The following ANKFY1 variants were observed in gnomAD, a reference collection of about 807,000 sequenced individuals.
ANKFY1 encodes the protein ankyrin repeat and FYVE domain-containing protein 1.
In ANKFY1, 47 loss-of-function variants were observed where a neutral mutation model predicts 128.3. The ratio of observed to expected loss-of-function variants is 0.37; its 90% CI spans 0.29 to 0.47. The LOEUF (loss-of-function observed/expected upper bound fraction) is 0.47, where lower values mean the gene tolerates loss of function less well. Ranked by LOEUF, ANKFY1 falls within the 20% of genes least tolerant of loss-of-function variation. The pLI is 1.00. For missense variants in ANKFY1, 1,222 were observed against 1,510.6 expected (o/e 0.81, Z 3.17); for synonymous variants, 553 against 601.6 (o/e 0.92, Z 1.18).
At chr17:4,244,401 C>T (rs1967421708) in intron 1 of ANKFY1, among the ~76,000 whole-genome samples, 1 of 152,188 alleles carries the variant, frequency 6.6e-6, no homozygotes, top group African/African-American at 2.4e-5. Flanking sequence ...CGTCATGAAA[C>T]TTCTCCTTCA....
intron 1 of ANKFY1, among the ~76,000 whole-genome samples, chr17:4,247,943 G>C (rs959824728): frequency 3.9e-5 from 6 of 152,178 alleles, no homozygotes; most frequent in Non-Finnish European, 4.4e-5. Flanking sequence ...ACAATTCTTA[G>C]AAAGGCAACC....
rs1281080099 is a variant in ANKFY1 at position 4,189,432 on chromosome 17, C to A, written c.1420G>T (p.Ala474Ser). ...RAAGAGNEAAALFLATNGAHV... is the reference protein window; with the variant it reads ...RAAGAGNEAASLFLATNGAHV... The stretch of plus-strand genomic sequence containing the variant: ...GCACCGTTGGTTGCCAGGAAAAGAG[C>A]TGCTGCCTCGTTTCCTGCTCCAGCT... The change falls in exon 11 of 25, where the codon GCT (alanine) becomes TCT (serine). Residue 474 changes from alanine to serine, a missense_variant. By Grantham distance (99) the Ala-to-Ser change is moderately conservative. Transcript: ENST00000341657. 2 of 1,594,298 alleles carry A rather than the reference C, an allele frequency of 1.3e-6. No individual in the cohort carries two copies. The highest frequency in any genetic ancestry group is 1.1e-5 in the South Asian group (1 of 88,398).
chr17:4,235,727 C>T, intron 3 of ANKFY1, 45 bp downstream of exon 3: 1 of 1,385,832 alleles, frequency 7.2e-7, no homozygotes, highest in East Asian at 2.3e-5. Context: ...CTGCCAAGAG[C>T]CCTTCCGCTA....
chr17:4,176,486 C>T (rs1471080289), intron 19 of ANKFY1, among the ~76,000 whole-genome samples: 3 of 152,218 alleles, frequency 2.0e-5, no homozygotes, highest in Non-Finnish European at 2.9e-5. Flanking sequence ...TCACAGTTCT[C>T]GGTTTGAAAT....
At chr17:4,236,614 C>T (rs953488576) in intron 2 of ANKFY1, among the ~76,000 whole-genome samples, 8 of 152,104 alleles carry the variant, frequency 5.3e-5, no homozygotes, top group East Asian at 1.9e-4. Flanking sequence ...TTAACAAAAA[C>T]GTCAAGATGA....
chr17:4,227,785 A>C (rs1476892877), intron 3 of ANKFY1, among the ~76,000 whole-genome samples: 1 of 152,234 alleles, frequency 6.6e-6, no homozygotes, highest in Non-Finnish European at 1.5e-5. Context: ...TATCAGGGGA[A>C]TGCAAAATAA....
In ANKFY1 at chr17:4,223,630, G is replaced by A. The variant is rs1056462992; in HGVS notation, c.323-6512C>T. On this transcript the variant is annotated intron_variant, in intron 3 of 24. Coordinates refer to ENST00000341657, the MANE Select transcript of ANKFY1 (RefSeq NM_001330063.2). ...GGGAACTCATGACTCTGGGCCAGAC[G>A]CCCTACATGGACACTGACCCCTTCG... 20 of 1,502,410 alleles carry A rather than the reference G, an allele frequency of 1.3e-5. No individual in the cohort carries two copies. The Admixed American group carries it at 1.8e-4, about 14-fold the overall frequency. The allele number at this position is 1,502,410 out of a possible 1,614,324, so 93.1% of individuals were successfully genotyped here.
chr17:4,241,612 A>G (rs1406024906), intron 2 of ANKFY1, among the ~76,000 whole-genome samples: 16 of 151,806 alleles, frequency 1.1e-4, no homozygotes, highest in Non-Finnish European at 8.8e-5. Context: ...CCAGAGTTCA[A>G]CCTCAACCAT....
chr17:4,236,203 A>T (rs1966896088), intron 2 of ANKFY1, among the ~76,000 whole-genome samples: 1 of 152,238 alleles, frequency 6.6e-6, no homozygotes, highest in Non-Finnish European at 1.5e-5. Flanking sequence ...ATATTCACAT[A>T]AAAAGTAGAG....
At chr17:4,263,463 CCCCCACCCCA>C (rs984078855) in intron 1 of ANKFY1, 1 of 1,128,216 alleles carries the variant, frequency 8.9e-7, no homozygotes, top group Non-Finnish European at 1.2e-6. Flanking sequence ...TGCTGCCTCG[CCCCCACCCCA>C]CCCCACCTCA....
intron 1 of ANKFY1, among the ~76,000 whole-genome samples, chr17:4,252,410 A>T (rs1035102133): frequency 2.0e-5 from 3 of 152,250 alleles, no homozygotes; most frequent in South Asian, 2.1e-4. Context: ...CCACAAAAAA[A>T]TTTTAAAAAT....
At chr17:4,195,359 C>CTACGTGAGATTTT in intron 9 of ANKFY1, 44 bp downstream of exon 9, 1 of 1,578,820 alleles carries the variant, frequency 6.3e-7, no homozygotes, top group Non-Finnish European at 8.7e-7. Context: ...CTCACAATCC[C>CTACGTGAGATTTT]CCCTCACAAC....
chr17:4,205,128 G>A (rs1338782668), intron 7 of ANKFY1, among the ~76,000 whole-genome samples: 2 of 152,094 alleles, frequency 1.3e-5, no homozygotes, highest in East Asian at 3.9e-4. Context: ...CATCAAAAGG[G>A]GAAAATATAG....
At chr17:4,255,393 G>A (rs1266126526) in intron 1 of ANKFY1, among the ~76,000 whole-genome samples, 6 of 151,774 alleles carry the variant, frequency 4.0e-5, no homozygotes, top group African/African-American at 1.4e-4. Flanking sequence ...GATTACAGGC[G>A]CCTGCCACCA....
intron 11 of ANKFY1, chr17:4,186,708 C>G: frequency 1.6e-6 from 1 of 627,592 alleles, no homozygotes; most frequent in Non-Finnish European, 2.0e-6. Context: ...CCCTGCTCCT[C>G]CCGCTCCTCT....
chr17:4,172,545 T>G lies in ANKFY1; in HGVS notation c.3139+11A>C. Reference sequence around the variant, plus strand: ...AAGTGAGACGGGACATACCCAGCCCTTGGTACACACCCGTGCTGCCGTCTG... The same window carrying G: ...AAGTGAGACGGGACATACCCAGCCCGTGGTACACACCCGTGCTGCCGTCTG... On this transcript the variant is annotated intron_variant, in intron 22 of 24. Coordinates refer to ENST00000341657, the MANE Select transcript of ANKFY1 (RefSeq NM_001330063.2). 1 of 1,612,172 alleles carries G rather than the reference T, an allele frequency of 6.2e-7. No individual in the cohort carries two copies.
At chr17:4,254,885 T>C (rs1037047822) in intron 1 of ANKFY1, among the ~76,000 whole-genome samples, 1 of 152,154 alleles carries the variant, frequency 6.6e-6, no homozygotes, top group Non-Finnish European at 1.5e-5. Flanking sequence ...ATTGAAAAAG[T>C]AATATACTAA....
chr17:4,222,918 G>C (rs1598103833), intron 3 of ANKFY1: 1 of 1,235,300 alleles, frequency 8.1e-7, no homozygotes, highest in East Asian at 2.3e-5. Context: ...CAGCTCCTCA[G>C]GTTATCCTAC....
intron 3 of ANKFY1, among the ~76,000 whole-genome samples, chr17:4,220,771 T>C (rs1448677414): frequency 6.6e-6 from 1 of 152,222 alleles, no homozygotes; most frequent in Non-Finnish European, 1.5e-5. Flanking sequence ...AAGGACAGTG[T>C]GTGCTGCAAC....
Sources: allele counts gnomAD v4.1 joint callset (sites outside exome capture counted in the v4.1 genomes callset), GRCh38; gene constraint gnomAD v4.1.1; transcripts MANE v1.5; gene names NCBI Gene and HGNC (gene_info 2026-07-23, HGNC 2026-07-21).